Variants in DAB2IP observed in about 807,000 individuals in gnomAD.
DAB2IP encodes the protein disabled homolog 2-interacting protein.
DAB2IP carries 28 observed loss-of-function variants against 107.2 expected under a neutral mutation model. The observed-to-expected ratio is 0.26, with a 90% CI of 0.19 to 0.36. The LOEUF (loss-of-function observed/expected upper bound fraction) is 0.36. Among genes scored for constraint, DAB2IP ranks in the 10% least tolerant of loss-of-function variants. The pLI, the probability that DAB2IP is intolerant of heterozygous loss-of-function variation, is 1.00. For missense variants in DAB2IP, 1,400 were observed against 1,644.7 expected, an observed-to-expected ratio of 0.85 and a Z score of 2.57; for synonymous variants, 755 against 706.4, an observed-to-expected ratio of 1.07 and a Z score of -1.09.
intron 3 of DAB2IP, among the ~76,000 whole-genome samples, chr9:121,725,190 C>T (rs1393507571): frequency 6.6e-6 from 1 of 152,132 alleles, no homozygotes; most frequent in Non-Finnish European, 1.5e-5. Context: ...TGTGTGTGTC[C>T]AGCCTTGCTG....
At chr9:121,716,450 C>A (rs1019474977) in intron 3 of DAB2IP, among the ~76,000 whole-genome samples, 2 of 152,246 alleles carry the variant, frequency 1.3e-5, no homozygotes, top group African/African-American at 2.4e-5. Context: ...ATATAAACTG[C>A]AGCCCTTCCT....
chr9:121,785,245 C>G (rs933240016), exon 16 of DAB2IP: 1 of 152,680 alleles, frequency 6.5e-6, no homozygotes, highest in Admixed American at 6.5e-5. Flanking sequence ...CCCCGCACGA[C>G]TGCGGGAGCC....
At chr9:121,742,021 T>C (rs971977809) in intron 3 of DAB2IP, among the ~76,000 whole-genome samples, 7 of 152,110 alleles carry the variant, frequency 4.6e-5, no homozygotes, top group South Asian at 2.1e-4. Context: ...CTGAAACTTA[T>C]TTGGCTTCCA....
At chr9:121,593,010 T>G (rs1305461853) in intron 1 of DAB2IP, among the ~76,000 whole-genome samples, 5 of 152,186 alleles carry the variant, frequency 3.3e-5, no homozygotes. Flanking sequence ...ACTAACTTCA[T>G]GCATATTTTT....
chr9:121,766,539 G>T, exon 9 of DAB2IP: 20 of 1,612,256 alleles, frequency 1.2e-5, no homozygotes, highest in Non-Finnish European at 1.7e-5. Context: ...CGTGGAGGCA[G>T]GAGTGCAGCA....
chr9:121,580,113 G>A (rs10985326), intron 1 of DAB2IP, among the ~76,000 whole-genome samples: 5,290 of 152,266 alleles, frequency 0.035, 442 homozygotes, highest in East Asian at 0.22. Flanking sequence ...GCCCCACCAG[G>A]TGACTCTAAG....
intron 1 of DAB2IP, among the ~76,000 whole-genome samples, chr9:121,612,335 A>T (rs965626020): frequency 2.0e-5 from 3 of 151,916 alleles, no homozygotes; most frequent in Admixed American, 6.6e-5. Flanking sequence ...TCAAAAAAAA[A>T]TTATTATTTT....
chr9:121,622,331 C>A (rs1011673301), intron 1 of DAB2IP, among the ~76,000 whole-genome samples: 1 of 152,164 alleles, frequency 6.6e-6, no homozygotes, highest in Non-Finnish European at 1.5e-5. Context: ...TCCATAGAAG[C>A]AATACTTTTT....
intron 1 of DAB2IP, among the ~76,000 whole-genome samples, chr9:121,658,231 G>T (rs1031359709): frequency 2.6e-5 from 4 of 152,232 alleles, no homozygotes; most frequent in Non-Finnish European, 5.9e-5. Flanking sequence ...GGCAATGGCT[G>T]TGATATTTCC....
chr9:121,732,461 T>A (rs1377256931), intron 3 of DAB2IP, among the ~76,000 whole-genome samples: 1 of 151,720 alleles, frequency 6.6e-6, no homozygotes, highest in African/African-American at 2.4e-5. Flanking sequence ...ACCAGGCTGG[T>A]AGTGGGGCAG....
chr9:121,621,984 CTTTTTTTTTTTTTTT>C (rs1202929145), intron 1 of DAB2IP, among the ~76,000 whole-genome samples: 3 of 99,716 alleles, frequency 3.0e-5, no homozygotes, highest in African/African-American at 4.3e-5. Context: ...TTTTTTCTTT[CTTTTTTTTTTTTTTT>C]TTTTTTTGAG....
rs532044403 is a variant in DAB2IP, at chr9:121,772,695, C to T, written c.2167C>T (p.Pro723Ser). 6.2e-6 allele frequency: 10 copies of T among 1,614,068 alleles called. 1 individual carries two copies. The Admixed American group carries it at 1.0e-4, about 16-fold the overall frequency. Residue 723 changes from proline (P) to serine (S), a missense_variant, in exon 12 of 16, where the codon CCT (proline) becomes TCT (serine). Coordinates refer to ENST00000408936, the Ensembl canonical transcript of DAB2IP. This position sits in a 1 kb window ranked among gnomAD's most constrained non-coding sequence, Gnocchi z 4.7. ...AAGGTCCTCCGGGGTCCAGCCCTCA[C>T]CTGCCCGCAGCTCGAGTTACTCGGA...
chr9:121,609,673 C>A (rs181061032), intron 1 of DAB2IP, among the ~76,000 whole-genome samples: 48 of 152,374 alleles, frequency 3.2e-4, no homozygotes, highest in Admixed American at 2.2e-3. Context: ...TGGAAATCTT[C>A]TGGTGCGATC....
At position 121,651,765 on chromosome 9, in the gene DAB2IP, C is replaced by T; in HGVS notation, c.-11C>T. 7.4e-7 allele frequency: 1 copy of T among 1,345,074 alleles called. No homozygotes were observed. Among genetic ancestry groups the T allele is most frequent in the Non-Finnish European group, 9.6e-7 (1 of 1,043,304 alleles). The allele number at this position is 1,345,074 out of a possible 1,614,324, so 83.3% of individuals were successfully genotyped here. ...CGCCCAGGCCCGGCCCGGTGCCCGG[C>T]GGGCGGCAGCATGTCCGCGGGCGGC... On this transcript the variant is annotated 5_prime_UTR_variant, in exon 1 of 16. Coordinates refer to ENST00000408936, the Ensembl canonical transcript of DAB2IP. The surrounding 1 kb of genome is among the most constrained non-coding windows in gnomAD (Gnocchi z 5.1).
chr9:121,756,986 C>G (rs770156887), intron 3 of DAB2IP, 27 bp from the exon 4 acceptor site: 1 of 1,613,252 alleles, frequency 6.2e-7, no homozygotes, highest in Non-Finnish European at 8.5e-7. Context: ...TGTGGGGGCC[C>G]ACCTGACACA....
At chr9:121,577,911 G>T (rs1830101772) in intron 1 of DAB2IP, among the ~76,000 whole-genome samples, 1 of 152,144 alleles carries the variant, frequency 6.6e-6, no homozygotes. Flanking sequence ...GTCACTCAGG[G>T]GTCCTTGGGG....
At chr9:121,615,343 C>T (rs897654798) in intron 1 of DAB2IP, among the ~76,000 whole-genome samples, 1 of 152,246 alleles carries the variant, frequency 6.6e-6, no homozygotes, top group South Asian at 2.1e-4. Context: ...TTCCAAACCT[C>T]TGACTGTAGA....
chr9:121,760,471 G>T lies in DAB2IP; in HGVS notation c.1170+32G>T, dbSNP rs1470499918. ...GCAGGCCCCTCGGCTCCTGACACAG[G>T]CTGGGCGGCAGCACTGGGTTACCTG... is the stretch of plus-strand genomic sequence containing the variant. On this transcript the variant is annotated intron_variant, in intron 6 of 15. Transcript: ENST00000408936. The surrounding 1 kb of genome is among the most constrained non-coding windows in gnomAD (Gnocchi z 5.9). The T allele has an allele frequency of 6.5e-7, 1 of 1,543,856 alleles. No individual in the cohort carries two copies. Among genetic ancestry groups the T allele is most frequent in the East Asian group, 2.3e-5 (1 of 43,282 alleles).
At chr9:121,774,230 G>T in intron 12 of DAB2IP, 30 bp from the exon 13 acceptor site, 1 of 1,558,088 alleles carries the variant, frequency 6.4e-7, no homozygotes, top group South Asian at 1.2e-5. Context: ...CCACCTCCCT[G>T]CAGCCCCTCA....
Sources: allele counts gnomAD v4.1 joint callset (sites outside exome capture counted in the v4.1 genomes callset), GRCh38; gene constraint gnomAD v4.1.1; non-coding constraint Gnocchi (gnomAD v3.1); transcripts MANE v1.5; gene names NCBI Gene and HGNC (gene_info 2026-07-23, HGNC 2026-07-21).